Variants in GPR17 observed in about 807,000 individuals in gnomAD.
GPR17 encodes the protein uracil nucleotide/cysteinyl leukotriene receptor.
In GPR17, 4 loss-of-function variants were observed where a neutral mutation model predicts 1.5. The observed-to-expected ratio is 2.73, with a 90% CI of 1.35 to 6.25. The LOEUF (loss-of-function observed/expected upper bound fraction) is 6.25, where lower values mean the gene tolerates loss of function less well. Among genes scored for constraint, GPR17 ranks in the 30% most tolerant of loss-of-function variants. The probability of loss-of-function intolerance (pLI) is 0.00; values close to 1 mark genes in which losing one functional copy is unlikely to be tolerated. For synonymous variants in GPR17, 209 were observed against 207.6 expected (o/e 1.01, Z -0.06); for missense variants, 463 against 462.1 (o/e 1.00, Z -0.02).
At position 127,651,685 on chromosome 2, in the gene GPR17, T is replaced by C. The variant is rs748902619; in HGVS notation, c.950T>C (p.Leu317Pro). 3 of 1,613,196 alleles carry C rather than the reference T, an allele frequency of 1.9e-6. No individual in the cohort carries two copies. The highest frequency in any genetic ancestry group is 2.2e-5 in the South Asian group (2 of 91,086). Residue 317 changes from leucine (L) to proline (P), a missense_variant, in exon 2 of 2, where the codon CTC becomes CCC. Transcript: ENST00000486700. Reference sequence around the variant, plus strand: ...TGCAACTTGCTCTGTGGCAAAAGGCTCAAGGGCCCGCCCCCCAGCTTCGAA... The same window carrying C: ...TGCAACTTGCTCTGTGGCAAAAGGCCCAAGGGCCCGCCCCCCAGCTTCGAA... ...ALCNLLCGKRLKGPPPSFEGK... is the reference protein window; with the variant it reads ...ALCNLLCGKRPKGPPPSFEGK...
At chr2:127,649,281 C>T (rs1383781813) in intron 1 of GPR17, among the ~76,000 whole-genome samples, 1 of 152,130 alleles carries the variant, frequency 6.6e-6, no homozygotes, top group East Asian at 1.9e-4. Flanking sequence ...GAGCCAGGCT[C>T]GCCCAGGATG....
At chr2:127,649,269 CAGAGCCA>C (rs1417702686) in intron 1 of GPR17, among the ~76,000 whole-genome samples, 1 of 152,066 alleles carries the variant, frequency 6.6e-6, no homozygotes, top group African/African-American at 2.4e-5. Context: ...CTGTTCGGTG[CAGAGCCA>C]GGCTCGCCCA....
chr2:127,650,131 TG>T lies in GPR17; in HGVS notation c.-20-580del. On this transcript the variant is annotated intron_variant, in intron 1 of 1. Transcript: ENST00000486700. ...CAGGGTACAGCCCTTGCTGCCATCC[TG>T]GGGGCACCCTCCTAAGTGCCAGGGG... 3.3e-6 allele frequency: 5 copies of T among 1,499,232 alleles called. No homozygotes were observed. The South Asian group carries it at 3.5e-5, about 11-fold the overall frequency. The allele number at this position is 1,499,232 out of a possible 1,614,324, so 92.9% of individuals were successfully genotyped here. A position where few individuals can be genotyped will look rare whatever the true frequency, so the allele number is the denominator to read the frequency against.
rs778184193 is a variant in GPR17, at chr2:127,650,788, C to T, written c.53C>T (p.Ala18Val). 1.2e-6 allele frequency: 2 copies of T among 1,613,668 alleles called. No homozygotes were observed. Among genetic ancestry groups the T allele is most frequent in the South Asian group, 1.1e-5 (1 of 91,084 alleles). The stretch of plus-strand genomic sequence containing the variant: ...GGTCTGATCACCAACTTCTCCCTGG[C>T]CACGGCAGAGCAATGTGGCCAGGAG... ...PPGLITNFSL[A>V]TAEQCGQETP... Residue 18 changes from alanine (A) to valine (V), a missense_variant, in exon 2 of 2, where the codon GCC (alanine) becomes GTC (valine). Physicochemically the swap from Ala to Val is moderately conservative, Grantham distance 64 (BLOSUM62 0). Coordinates refer to ENST00000486700, the MANE Select transcript of GPR17 (RefSeq NM_001161417.2).
rs1324546322 is a variant in GPR17 at position 127,647,996 on chromosome 2, G to A, written c.-21+1752G>A. ...TCACAGCCCTCAGCCCTTCCCCAGG[G>A]CTTCAGCCAAGCCTGTCTCCCTCTC... On this transcript the variant is annotated intron_variant, in intron 1 of 1. Coordinates refer to ENST00000486700, the MANE Select transcript of GPR17 (RefSeq NM_001161417.2). This position sits in a 1 kb window ranked among gnomAD's most constrained non-coding sequence, Gnocchi z 4.3. 2 of 984,718 alleles carry A rather than the reference G, an allele frequency of 2.0e-6. No individual in the cohort carries two copies. The highest frequency in any genetic ancestry group is 6.2e-5 in the Admixed American group (1 of 16,240). The allele number at this position is 984,718 out of a possible 1,614,324, so 61.0% of individuals were successfully genotyped here.
At chr2:127,650,002 A>G (rs1272514470) in intron 1 of GPR17, 5 of 1,605,558 alleles carry the variant, frequency 3.1e-6, no homozygotes. Context: ...AGGTCTCCCC[A>G]CCTGTCAGGA....
Position 127,650,908 on chromosome 2 carries a change from G to T in GPR17, c.173G>T (p.Arg58Leu). The T allele has an allele frequency of 6.2e-7, 1 of 1,613,988 alleles. No homozygotes were observed. Among genetic ancestry groups the T allele is most frequent in the Non-Finnish European group, 8.5e-7 (1 of 1,180,014 alleles). ...ACCCTGGCTCTGTGGCTTTTCATCCGAGACCACAAGTCCGGGACCCCGGCC... is the reference window on the plus strand; with the variant it reads ...ACCCTGGCTCTGTGGCTTTTCATCCTAGACCACAAGTCCGGGACCCCGGCC... ...GNTLALWLFI[R>L]DHKSGTPANV... Residue 58 changes from arginine to leucine, a missense_variant, in exon 2 of 2, where the codon CGA (arginine) becomes CTA (leucine). By Grantham distance (102) the Arg-to-Leu change is moderately radical. Coordinates refer to ENST00000486700, the MANE Select transcript of GPR17 (RefSeq NM_001161417.2).
At position 127,651,763 on chromosome 2, in the gene GPR17, G is replaced by C. The variant is rs35201354; in HGVS notation, c.*8G>C. 194,468 of 1,608,636 alleles carry C rather than the reference G, an allele frequency of 0.12. 13,405 individuals are homozygous for C. Among genetic ancestry groups the C allele is most frequent in the South Asian group, 0.27 (24,432 of 90,798 alleles). ...GCCAAGTCAGAGCTGTGAGCGGGGG[G>C]CGCCGTCCAGGCCGAGCGCAGACTG... On this transcript the variant is annotated 3_prime_UTR_variant, in exon 2 of 2. Coordinates refer to ENST00000486700, the MANE Select transcript of GPR17 (RefSeq NM_001161417.2).
Position 127,650,704 on chromosome 2 carries a change from T to C in GPR17, c.-20-12T>C. On this transcript the variant is annotated splice_polypyrimidine_tract_variant and intron_variant, in intron 1 of 1. Transcript: ENST00000486700. ...GCAAGCTCATTGTGAACTGTTTGCT[T>C]GTTCCCTCCAGGCTCTGACTCCAGC... The C allele has an allele frequency of 6.3e-7, 1 of 1,584,464 alleles. No individual in the cohort carries two copies. Among genetic ancestry groups the C allele is most frequent in the Non-Finnish European group, 8.6e-7 (1 of 1,161,162 alleles).
chr2:127,649,083 GAA>G (rs1315167396), intron 1 of GPR17, among the ~76,000 whole-genome samples: 1 of 124,806 alleles, frequency 8.0e-6, no homozygotes, highest in Non-Finnish European at 1.8e-5. Context: ...AAAAAGAAAA[GAA>G]AAAAAGAAAA....
rs1683832111 is a variant in GPR17 at position 127,651,795 on chromosome 2, A to G, written c.*40A>G. ...CCAGGCCGAGCGCAGACTGTTTAGG[A>G]CTCAGCAGACCCAGCAAGAGGCATC... On this transcript the variant is annotated 3_prime_UTR_variant, in exon 2 of 2. Coordinates refer to ENST00000486700, the MANE Select transcript of GPR17 (RefSeq NM_001161417.2). 3 of 1,574,554 alleles carry G rather than the reference A, an allele frequency of 1.9e-6. No individual in the cohort carries two copies. In the African/African-American group the frequency reaches 4.0e-5, roughly 21 times the overall value.
intron 1 of GPR17, among the ~76,000 whole-genome samples, chr2:127,648,539 T>C (rs1683245761): frequency 6.6e-6 from 1 of 152,198 alleles, no homozygotes; most frequent in East Asian, 1.9e-4. Context: ...GGCTGCTGTG[T>C]CCATGAACAG....
chr2:127,651,793 G>A lies in GPR17; in HGVS notation c.*38G>A. On this transcript the variant is annotated 3_prime_UTR_variant, in exon 2 of 2. Transcript: ENST00000486700. ...GTCCAGGCCGAGCGCAGACTGTTTA[G>A]GACTCAGCAGACCCAGCAAGAGGCA... 1 of 1,577,726 alleles carries A rather than the reference G, an allele frequency of 6.3e-7. No homozygotes were observed. The highest frequency in any genetic ancestry group is 8.7e-7 in the Non-Finnish European group (1 of 1,155,744).
rs1683689311 is a variant in GPR17 at position 127,650,876 on chromosome 2, T to C, written c.141T>C (p.Val47=). 1 of 1,614,110 alleles carries C rather than the reference T, an allele frequency of 6.2e-7. No homozygotes were observed. The highest frequency in any genetic ancestry group is 1.1e-5 in the South Asian group (1 of 91,076). The change falls in exon 2 of 2, where the codon GTT becomes GTC. Residue 47 remains valine (V), a synonymous_variant. Transcript: ENST00000486700. ...FYLLDFILAL[V]GNTLALWLFI... The stretch of plus-strand genomic sequence containing the variant: ...TTCTGGATTTTATCCTGGCTTTAGT[T>C]GGCAATACCCTGGCTCTGTGGCTTT...
In GPR17 at chr2:127,650,553, C is replaced by G. The variant is rs1022102820; in HGVS notation, c.-20-163C>G. 11 of 605,122 alleles carry G rather than the reference C, an allele frequency of 1.8e-5. No homozygotes were observed. In the African/African-American group the frequency reaches 2.0e-4, roughly 11 times the overall value. The allele number at this position is 605,122 out of a possible 1,614,324, so 37.5% of individuals were successfully genotyped here. ...GTTCAGAATGCCTCTGACGCTCACG[C>G]ACACCAAATGGACAAGGAGGTCCCC... is the stretch of plus-strand genomic sequence containing the variant. On this transcript the variant is annotated intron_variant, in intron 1 of 1. Transcript: ENST00000486700.
rs779915148 is a variant in GPR17 at position 127,651,436 on chromosome 2, T to C, written c.701T>C (p.Val234Ala). ...RVEKRLKTKA[V>A]RMIAIVLAIF... ...GAGAAGCGCCTCAAGACCAAGGCAG[T>C]GCGCATGATCGCCATAGTGCTGGCC... The change falls in exon 2 of 2, where the codon GTG (valine) becomes GCG (alanine). Residue 234 changes from valine (V) to alanine (A), a missense_variant. Physicochemically the swap from Val to Ala is moderately conservative, Grantham distance 64. Transcript: ENST00000486700. The C allele has an allele frequency of 2.5e-6, 4 of 1,612,820 alleles. No homozygotes were observed. The highest frequency in any genetic ancestry group is 4.5e-5 in the East Asian group (2 of 44,904).
rs778988883 is a variant in GPR17 at position 127,651,371 on chromosome 2, CCTG to C, written c.640_642del (p.Leu214del). On this transcript the variant is annotated inframe_deletion, in exon 2 of 2. Coordinates refer to ENST00000486700, the MANE Select transcript of GPR17 (RefSeq NM_001161417.2). ...CGTTCATCACCACGGTCACCTGCTA[CCTG>C]CTGATCATCCGCAGCCTGCGGCAGG... 1 of 1,612,650 alleles carries C rather than the reference CCTG, an allele frequency of 6.2e-7. No individual in the cohort carries two copies. The highest frequency in any genetic ancestry group is 8.5e-7 in the Non-Finnish European group (1 of 1,180,046).
rs777634180 is a variant in GPR17 at position 127,651,257 on chromosome 2, G to C, written c.522G>C (p.Gln174His). The change falls in exon 2 of 2, where the codon CAG becomes CAC. Residue 174 changes from glutamine (Q) to histidine (H), a missense_variant. Physicochemically the swap from Gln to His is conservative, Grantham distance 24. Transcript: ENST00000486700. ...APLLVSPQTV[Q>H]TNHTVVCLQL... is the part of the protein sequence containing the mutation. ...TGCTGGTGAGCCCACAGACCGTGCA[G>C]ACCAACCACACGGTGGTCTGCCTGC... The C allele has an allele frequency of 2.5e-6, 4 of 1,606,610 alleles. No homozygotes were observed. The highest frequency in any genetic ancestry group is 2.5e-6 in the Non-Finnish European group (3 of 1,179,420).
intron 1 of GPR17, among the ~76,000 whole-genome samples, chr2:127,648,780 G>A (rs34011500): frequency 4.2e-4 from 63 of 151,764 alleles, no homozygotes; most frequent in African/African-American, 1.5e-3. Flanking sequence ...AATTAGCCGG[G>A]TGTGGTGGTG....
Sources: gnomAD v4.1 joint callset for allele counts (sites outside exome capture counted in the v4.1 genomes callset) on GRCh38, gnomAD v4.1.1 for gene constraint, Gnocchi (gnomAD v3.1) non-coding constraint, MANE v1.5 for transcripts, NCBI Gene and HGNC (gene_info 2026-07-23, HGNC 2026-07-21) for gene names.